The following PAPPA2 variants were observed in gnomAD, a reference collection of about 807,000 sequenced individuals.
PAPPA2 encodes pappalysin 2.
PAPPA2 carries 86 observed loss-of-function variants against 176.4 expected under a neutral mutation model. The observed-to-expected ratio is 0.49, with a 90% CI of 0.41 to 0.58. The LOEUF is 0.58. PAPPA2 is among the 20% of genes least tolerant of loss of function. The pLI, the probability that PAPPA2 is intolerant of heterozygous loss-of-function variation, is 0.00. For synonymous variants in PAPPA2, 809 were observed against 852.2 expected (o/e 0.95, Z 0.88); for missense variants, 2,073 against 2,256.9 (o/e 0.92, Z 1.65).
At chr1:176,489,004 T>C (rs1652776102) in intron 1 of PAPPA2, among the ~76,000 whole-genome samples, 1 of 152,146 alleles carries the variant, frequency 6.6e-6, no homozygotes, top group Admixed American at 6.6e-5. Flanking sequence ...TATAATAAGG[T>C]TGGGGTACAT....
intron 12 of PAPPA2, among the ~76,000 whole-genome samples, chr1:176,717,037 C>T (rs76019204): frequency 6.6e-6 from 1 of 152,156 alleles, no homozygotes; most frequent in African/African-American, 2.4e-5. Context: ...TTTATTCCCC[C>T]AGTGCTAGGC....
At chr1:176,491,917 T>C (rs1331393067) in intron 1 of PAPPA2, among the ~76,000 whole-genome samples, 2 of 152,138 alleles carry the variant, frequency 1.3e-5, no homozygotes, top group Non-Finnish European at 2.9e-5. Context: ...AGAAATGAAA[T>C]ATGAGCCGAG....
intron 21 of PAPPA2, 106 bp downstream of exon 21, chr1:176,800,238 C>T: frequency 9.8e-7 from 1 of 1,020,574 alleles, no homozygotes; most frequent in Non-Finnish European, 1.5e-6. Context: ...TCCTATTCCT[C>T]TGTCCTTTGT....
intron 3 of PAPPA2, among the ~76,000 whole-genome samples, chr1:176,609,051 A>G (rs1376932663): frequency 2.6e-5 from 4 of 152,160 alleles, no homozygotes; most frequent in Non-Finnish European, 4.4e-5. Context: ...CAGACTAGGG[A>G]GCCTAGAGGC....
chr1:176,775,689 G>T (rs1021521099), intron 17 of PAPPA2, among the ~76,000 whole-genome samples: 1 of 152,070 alleles, frequency 6.6e-6, no homozygotes, highest in Admixed American at 6.6e-5. Context: ...GAATCTCTGG[G>T]GGTGGGGCCC....
At chr1:176,683,042 A>ATTTG (rs1318397439) in intron 4 of PAPPA2, among the ~76,000 whole-genome samples, 1 of 149,280 alleles carries the variant, frequency 6.7e-6, no homozygotes, top group Non-Finnish European at 1.5e-5. Context: ...TTATTTATTT[A>ATTTG]TTTATTTATT....
At chr1:176,671,837 C>T (rs1659020904) in intron 4 of PAPPA2, among the ~76,000 whole-genome samples, 1 of 145,144 alleles carries the variant, frequency 6.9e-6, no homozygotes, top group Admixed American at 7.3e-5. Context: ...CACATCTTCT[C>T]ACTCATAGGT....
intron 2 of PAPPA2, among the ~76,000 whole-genome samples, chr1:176,588,601 A>G (rs1167558976): frequency 6.6e-6 from 1 of 152,100 alleles, no homozygotes; most frequent in East Asian, 1.9e-4. Flanking sequence ...CGTGCTAGTG[A>G]TTTTTGTATC....
At position 176,619,417 on chromosome 1, in the gene PAPPA2, A is replaced by G. The variant is rs186812691; in HGVS notation, c.1991+23822A>G. 5.0e-3 allele frequency among the ~76,000 whole-genome samples: 767 copies of G among 152,324 alleles called. 4 individuals carry two copies. The highest frequency in any genetic ancestry group is 8.5e-3 in the Non-Finnish European group (581 of 68,022). ...CTCAGGTGCCAATTTTGACTGAATG[A>G]CGTTAGATTCCTGAAGCATGGTATT... On this transcript the variant is annotated intron_variant, in intron 3 of 22. Transcript: ENST00000367662.
At position 176,690,389 on chromosome 1, in the gene PAPPA2, G is replaced by T; in HGVS notation, c.2390G>T (p.Arg797Leu). The T allele has an allele frequency of 6.2e-7, 1 of 1,614,110 alleles. No homozygotes were observed. The highest frequency in any genetic ancestry group is 8.5e-7 in the Non-Finnish European group (1 of 1,180,000). ...EPTSDTCGFT[R>L]FPGAPFTNYM... ...ACTAGTGACACCTGTGGCTTCACTC[G>T]CTTCCCAGGGGCTCCGTTCACCAAC... The change falls in exon 5 of 23, where the codon CGC becomes CTC. Residue 797 changes from arginine to leucine, a missense_variant. Arg to Leu is a moderately radical substitution (Grantham distance 102). Around this residue, in one of 4 missense-constraint regions of PAPPA2, gnomAD observed 1,196 missense variants for 1,330.4 expected, o/e 0.90. Coordinates refer to ENST00000367662, the MANE Select transcript of PAPPA2 (RefSeq NM_020318.3).
intron 21 of PAPPA2, among the ~76,000 whole-genome samples, chr1:176,812,939 C>T (rs910507950): frequency 6.6e-6 from 1 of 152,106 alleles, no homozygotes; most frequent in Non-Finnish European, 1.5e-5. Context: ...TCTCCCTCCC[C>T]CAACCAACCT....
intron 3 of PAPPA2, 81 bp from the exon 4 acceptor site, chr1:176,670,889 G>T: frequency 1.3e-6 from 2 of 1,555,132 alleles, no homozygotes; most frequent in Non-Finnish European, 8.8e-7. Context: ...AGTGCCATTA[G>T]AATCTGATTA....
chr1:176,530,365 G>A (rs1015187669), intron 1 of PAPPA2, among the ~76,000 whole-genome samples: 5 of 151,618 alleles, frequency 3.3e-5, no homozygotes, highest in Non-Finnish European at 5.9e-5. Context: ...AACCCACACA[G>A]TTACTCAATG....
chr1:176,754,901 G>C (rs1663345156), intron 14 of PAPPA2, among the ~76,000 whole-genome samples: 2 of 152,170 alleles, frequency 1.3e-5, no homozygotes, highest in South Asian at 4.1e-4. Flanking sequence ...CCATAGCACT[G>C]CAGGCAGAGG....
intron 3 of PAPPA2, among the ~76,000 whole-genome samples, chr1:176,652,557 T>G (rs903899248): frequency 6.6e-6 from 1 of 151,688 alleles, no homozygotes; most frequent in Non-Finnish European, 1.5e-5. Context: ...TACAGCATGG[T>G]CTTGCTAAAC....
At chr1:176,599,599 T>C (rs1382765088) in intron 3 of PAPPA2, among the ~76,000 whole-genome samples, 3 of 151,614 alleles carry the variant, frequency 2.0e-5, no homozygotes, top group Non-Finnish European at 4.4e-5. Flanking sequence ...AAAAACCTTC[T>C]TATTCTTTGA....
At chr1:176,692,592 G>C in intron 6 of PAPPA2, among the ~76,000 whole-genome samples, 1 of 152,332 alleles carries the variant, frequency 6.6e-6, no homozygotes, top group Middle Eastern at 3.4e-3. Flanking sequence ...TTGGCAGAAC[G>C]GAGAGGGCAT....
Position 176,622,973 on chromosome 1 carries a change from A to G in PAPPA2, c.1991+27378A>G, listed in dbSNP as rs940039984. Among the ~76,000 whole-genome samples, 3 of 152,308 alleles carry G rather than the reference A, an allele frequency of 2.0e-5. No individual in the cohort carries two copies. The East Asian group carries it at 5.8e-4, about 29-fold the overall frequency. On this transcript the variant is annotated intron_variant, in intron 3 of 22. Transcript: ENST00000367662. ...CTGTCTTCATATGGAGAAAGGGGAA[A>G]GACATCCTTTGAGCCTCTTTTATAA...
chr1:176,477,416 G>A (rs1421160934), intron 1 of PAPPA2, among the ~76,000 whole-genome samples: 3 of 152,158 alleles, frequency 2.0e-5, no homozygotes, highest in Non-Finnish European at 4.4e-5. Context: ...AAATACATGT[G>A]ATATACTCCG....
Sources: allele counts gnomAD v4.1 joint callset (sites outside exome capture counted in the v4.1 genomes callset), GRCh38; gene constraint gnomAD v4.1.1; regional missense constraint gnomAD v4.1.1; transcripts MANE v1.5; gene names NCBI Gene and HGNC (gene_info 2026-07-23, HGNC 2026-07-21).